Variants in TMC1 observed in about 807,000 individuals in gnomAD.
TMC1 encodes transmembrane channel like 1, also known as transmembrane channel-like protein 1.
A neutral mutation model predicts 105.8 loss-of-function variants in TMC1; 84 were observed. The observed-to-expected ratio is 0.79, with a 90% CI of 0.67 to 0.95. The LOEUF (loss-of-function observed/expected upper bound fraction) is 0.95. TMC1 is among the 40% of genes least tolerant of loss of function. The pLI is 0.00. For missense variants in TMC1, 817 were observed against 914.1 expected, an observed-to-expected ratio of 0.89 and a Z score of 1.37; for synonymous variants, 315 against 311.5, an observed-to-expected ratio of 1.01 and a Z score of -0.12.
At chr9:72,786,803 C>T (rs1340691142) in intron 13 of TMC1, among the ~76,000 whole-genome samples, 1 of 152,132 alleles carries the variant, frequency 6.6e-6, no homozygotes, top group Admixed American at 6.5e-5. Context: ...TCATTCAGTT[C>T]GGGCTCCCTT....
Position 72,742,540 on chromosome 9 carries a change from G to A in TMC1, c.535+15G>A, listed in dbSNP as rs753562476. 6.2e-7 allele frequency: 1 copy of A among 1,602,386 alleles called. No individual in the cohort carries two copies. The highest frequency in any genetic ancestry group is 2.2e-5 in the East Asian group (1 of 44,786). ...GGCTATTGAAAGTAAGTCCTTATCA[G>A]ATCTCAGGTGGAGAAGGTTGTCTTA... On this transcript the variant is annotated intron_variant, in intron 10 of 23. Coordinates refer to ENST00000297784, the MANE Select transcript of TMC1 (RefSeq NM_138691.3).
intron 8 of TMC1, among the ~76,000 whole-genome samples, chr9:72,724,504 A>C (rs1377357039): frequency 6.6e-6 from 1 of 152,178 alleles, no homozygotes; most frequent in Non-Finnish European, 1.5e-5. Context: ...CAATACATAA[A>C]CTTTAGGAGA....
intron 1 of TMC1, among the ~76,000 whole-genome samples, chr9:72,552,367 C>T (rs1211690579): frequency 2.0e-5 from 3 of 152,142 alleles, no homozygotes; most frequent in African/African-American, 4.8e-5. Flanking sequence ...GAATCCCCCC[C>T]AGAAGAGACT....
intron 13 of TMC1, among the ~76,000 whole-genome samples, chr9:72,786,015 T>A (rs563028098): frequency 6.6e-6 from 1 of 152,348 alleles, no homozygotes; most frequent in East Asian, 1.9e-4. Context: ...TACATTATAG[T>A]GACCCTGTTG....
At chr9:72,730,595 C>T (rs1209029955) in intron 8 of TMC1, among the ~76,000 whole-genome samples, 1 of 152,144 alleles carries the variant, frequency 6.6e-6, no homozygotes, top group Non-Finnish European at 1.5e-5. Flanking sequence ...ATACCAGGGA[C>T]CAGTGTCATG....
chr9:72,723,925 T>G (rs1827073580), intron 8 of TMC1, among the ~76,000 whole-genome samples: 1 of 152,152 alleles, frequency 6.6e-6, no homozygotes, highest in Admixed American at 6.6e-5. Context: ...TTCTATTTCT[T>G]TTAGAAAGTT....
intron 2 of TMC1, among the ~76,000 whole-genome samples, chr9:72,583,775 T>G (rs1824508735): frequency 1.3e-5 from 2 of 152,220 alleles, no homozygotes; most frequent in Admixed American, 6.5e-5. Flanking sequence ...CTCCTTGGTA[T>G]TGATCTTCAG....
In TMC1 at chr9:72,791,940, T is replaced by C. The variant is rs750563026; in HGVS notation, c.1279T>C (p.Phe427Leu). The C allele has an allele frequency of 3.1e-6, 5 of 1,613,764 alleles. No homozygotes were observed. Among genetic ancestry groups the C allele is most frequent in the East Asian group, 4.5e-5 (2 of 44,884 alleles). The change falls in exon 16 of 24, where the codon TTT becomes CTT. Residue 427 changes from phenylalanine (F) to leucine (L), a missense_variant. Transcript: ENST00000297784. ...GMFCPTLFDL[F>L]AELEDYHPLI... Reference sequence around the variant, plus strand: ...GTTCTGTCCAACATTGTTTGACTTATTTGCTGAATTAGAAGACTACCATCC... The same window carrying C: ...GTTCTGTCCAACATTGTTTGACTTACTTGCTGAATTAGAAGACTACCATCC...
At chr9:72,727,281 T>G (rs1827139818) in intron 8 of TMC1, among the ~76,000 whole-genome samples, 1 of 152,210 alleles carries the variant, frequency 6.6e-6, no homozygotes, top group Non-Finnish European at 1.5e-5. Flanking sequence ...TGCATTGTTA[T>G]GTAACTATTT....
intron 5 of TMC1, among the ~76,000 whole-genome samples, chr9:72,648,940 A>C (rs1279781123): frequency 1.3e-5 from 2 of 152,196 alleles, no homozygotes; most frequent in African/African-American, 4.8e-5. Flanking sequence ...CAATGGAGGA[A>C]AGGAAAATGC....
intron 2 of TMC1, among the ~76,000 whole-genome samples, chr9:72,615,469 G>A (rs1427655894): frequency 6.6e-6 from 1 of 152,066 alleles, no homozygotes; most frequent in Non-Finnish European, 1.5e-5. Flanking sequence ...ATGGTGTATT[G>A]GATCTTAAAA....
chr9:72,580,746 C>A (rs1370738225), intron 2 of TMC1, among the ~76,000 whole-genome samples: 1 of 152,194 alleles, frequency 6.6e-6, no homozygotes, highest in Non-Finnish European at 1.5e-5. Flanking sequence ...AACAACTCCT[C>A]CTTACACAAA....
intron 5 of TMC1, among the ~76,000 whole-genome samples, chr9:72,686,883 C>G (rs943394843): frequency 2.6e-5 from 4 of 152,112 alleles, no homozygotes; most frequent in Admixed American, 2.6e-4. Flanking sequence ...GGAATATCTT[C>G]CCTTATGGAC....
chr9:72,823,788 C>T (rs893278388), intron 20 of TMC1, among the ~76,000 whole-genome samples: 9 of 152,160 alleles, frequency 5.9e-5, no homozygotes, highest in Non-Finnish European at 8.8e-5. Flanking sequence ...TCCCTGCTTA[C>T]ATTATGACAA....
At chr9:72,707,009 G>A (rs1374121410) in intron 8 of TMC1, among the ~76,000 whole-genome samples, 6 of 151,950 alleles carry the variant, frequency 3.9e-5, no homozygotes, top group Non-Finnish European at 8.8e-5. Flanking sequence ...TCCTGACTTC[G>A]GGTGATCTGC....
intron 1 of TMC1, among the ~76,000 whole-genome samples, chr9:72,572,202 T>A (rs1396811352): frequency 6.9e-6 from 1 of 144,324 alleles, no homozygotes; most frequent in Non-Finnish European, 1.5e-5. Flanking sequence ...TATTTTTTGA[T>A]TTTTTTTTTT....
intron 8 of TMC1, among the ~76,000 whole-genome samples, chr9:72,731,125 C>G (rs893156786): frequency 6.6e-5 from 10 of 152,132 alleles, no homozygotes; most frequent in Non-Finnish European, 1.5e-4. Context: ...GTGCCAGTGG[C>G]CACGACCTGA....
At chr9:72,735,394 A>G (rs375475448) in intron 8 of TMC1, among the ~76,000 whole-genome samples, 5 of 152,374 alleles carry the variant, frequency 3.3e-5, no homozygotes, top group Middle Eastern at 3.4e-3. Flanking sequence ...AATACAAATG[A>G]GTAGGAGAAT....
intron 3 of TMC1, among the ~76,000 whole-genome samples, chr9:72,619,479 T>C (rs761436872): frequency 1.3e-5 from 2 of 151,036 alleles, no homozygotes; most frequent in Non-Finnish European, 2.9e-5. Context: ...GATCTAGGTA[T>C]AAATATCCAT....
Sources: gnomAD v4.1 joint callset for allele counts (sites outside exome capture counted in the v4.1 genomes callset) on GRCh38, gnomAD v4.1.1 for gene constraint, MANE v1.5 for transcripts, NCBI Gene and HGNC (gene_info 2026-07-23, HGNC 2026-07-21) for gene names.